FHIT: variants seen among roughly 807,000 people sequenced by gnomAD.
FHIT encodes bis(5'-adenosyl)-triphosphatase.
FHIT carries 19 observed loss-of-function variants against 17.9 expected under a neutral mutation model. The observed-to-expected ratio is 1.06, with a 90% confidence interval of 0.74 to 1.56. FHIT has a LOEUF of 1.56. Ranked by LOEUF, FHIT falls within the 40% of genes most tolerant of loss-of-function variation. The pLI is 0.00. For missense variants in FHIT, 248 were observed against 189.2 expected (o/e 1.31, Z -1.82); for synonymous variants, 81 against 69.7 (o/e 1.16, Z -0.81).
intron 8 of FHIT, among the ~76,000 whole-genome samples, chr3:59,775,632 A>G (rs1575474672): frequency 1.3e-5 from 2 of 152,210 alleles, no homozygotes; most frequent in East Asian, 3.8e-4. Context: ...TTTCTTAGAA[A>G]CTGGCCCTTA....
intron 7 of FHIT, among the ~76,000 whole-genome samples, chr3:59,986,308 A>G (rs549966182): frequency 7.7e-4 from 116 of 151,608 alleles, no homozygotes; most frequent in African/African-American, 2.8e-3. Flanking sequence ...CCCCTTTGGA[A>G]GGATAGTTAA....
intron 2 of FHIT, among the ~76,000 whole-genome samples, chr3:61,176,927 G>A (rs1289018902): frequency 6.6e-6 from 1 of 152,182 alleles, no homozygotes; most frequent in Non-Finnish European, 1.5e-5. Flanking sequence ...TGTAACCCCA[G>A]AACTTTGGGA....
intron 7 of FHIT, among the ~76,000 whole-genome samples, chr3:60,000,350 A>G (rs1453312986): frequency 1.3e-5 from 2 of 152,204 alleles, no homozygotes; most frequent in Non-Finnish European, 2.9e-5. Context: ...ATAAAGTTTT[A>G]TTGGAATACG....
intron 3 of FHIT, among the ~76,000 whole-genome samples, chr3:60,880,520 G>T (rs1704913845): frequency 6.6e-6 from 1 of 152,204 alleles, no homozygotes; most frequent in South Asian, 2.1e-4. Flanking sequence ...ATCACCTGAG[G>T]TTGGGAGTTC....
intron 5 of FHIT, among the ~76,000 whole-genome samples, chr3:60,252,489 G>C (rs1705763227): frequency 6.6e-6 from 1 of 152,078 alleles, no homozygotes; most frequent in African/African-American, 2.4e-5. Context: ...CTTGAGCATA[G>C]GGGGGTCAAG....
At chr3:60,095,397 G>A (rs540227237) in intron 5 of FHIT, among the ~76,000 whole-genome samples, 1 of 152,258 alleles carries the variant, frequency 6.6e-6, no homozygotes, top group African/African-American at 2.4e-5. Flanking sequence ...TTTTTCAATT[G>A]CTTCTCTCAT....
At chr3:60,214,595 A>G (rs1273821725) in intron 5 of FHIT, among the ~76,000 whole-genome samples, 1 of 152,174 alleles carries the variant, frequency 6.6e-6, no homozygotes, top group Non-Finnish European at 1.5e-5. Flanking sequence ...CACTGTGGAA[A>G]GCAGTGTGGA....
intron 4 of FHIT, among the ~76,000 whole-genome samples, chr3:60,631,646 T>G (rs560841114): frequency 2.2e-4 from 34 of 152,142 alleles, no homozygotes; most frequent in Non-Finnish European, 4.6e-4. Flanking sequence ...GGAGGCACTG[T>G]CTAATTCAGA....
chr3:60,206,784 T>C (rs941431638), intron 5 of FHIT, among the ~76,000 whole-genome samples: 2 of 150,918 alleles, frequency 1.3e-5, no homozygotes, highest in African/African-American at 4.8e-5. Flanking sequence ...GTGTGTGTAA[T>C]AATAAAAGAG....
At chr3:60,362,662 C>T (rs1017617442) in intron 5 of FHIT, among the ~76,000 whole-genome samples, 1 of 152,182 alleles carries the variant, frequency 6.6e-6, no homozygotes, top group African/African-American at 2.4e-5. Flanking sequence ...ATTTTTATCA[C>T]CTACGTGAAC....
intron 3 of FHIT, among the ~76,000 whole-genome samples, chr3:60,957,853 AG>A (rs1224373077): frequency 6.6e-6 from 1 of 152,342 alleles, no homozygotes; most frequent in East Asian, 1.9e-4. Flanking sequence ...TCTTCCACAT[AG>A]GTGAGCTTCT....
chr3:60,493,294 G>C (rs2034144571), intron 5 of FHIT, among the ~76,000 whole-genome samples: 1 of 152,124 alleles, frequency 6.6e-6, no homozygotes. Context: ...TAGATGGTAG[G>C]CATTTTCCAA....
chr3:59,927,461 C>T (rs1315800809), intron 7 of FHIT, among the ~76,000 whole-genome samples: 1 of 91,962 alleles, frequency 1.1e-5, no homozygotes, highest in African/African-American at 5.0e-5. Flanking sequence ...AAAGCTATTA[C>T]TTAAAAAAAA....
chr3:60,704,632 AC>A (rs1481095098), intron 4 of FHIT, among the ~76,000 whole-genome samples: 5 of 152,148 alleles, frequency 3.3e-5, no homozygotes, highest in African/African-American at 1.2e-4. Context: ...TGAAAAATGA[AC>A]CTTTTTTTGC....
chr3:60,980,340 T>C (rs1710440906), intron 3 of FHIT, among the ~76,000 whole-genome samples: 1 of 152,168 alleles, frequency 6.6e-6, no homozygotes, highest in Non-Finnish European at 1.5e-5. Flanking sequence ...ATGTAAAGAA[T>C]GAAGCAACAA....
At chr3:60,307,808 G>T (rs1708750313) in intron 5 of FHIT, among the ~76,000 whole-genome samples, 2 of 151,910 alleles carry the variant, frequency 1.3e-5, no homozygotes, top group African/African-American at 4.8e-5. Context: ...TGCTGTCTGT[G>T]CCCAGACCCT....
At chr3:59,810,208 G>T (rs935912923) in intron 8 of FHIT, among the ~76,000 whole-genome samples, 6 of 152,074 alleles carry the variant, frequency 3.9e-5, no homozygotes, top group African/African-American at 1.2e-4. Context: ...AGTACTGGAG[G>T]AGCTGTCTTA....
chr3:61,003,059 T>C (rs2031204019), intron 3 of FHIT, among the ~76,000 whole-genome samples: 1 of 152,218 alleles, frequency 6.6e-6, no homozygotes, highest in South Asian at 2.1e-4. Flanking sequence ...ACACAGACTA[T>C]TCTGATTACT....
intron 5 of FHIT, among the ~76,000 whole-genome samples, chr3:60,096,870 T>C (rs2107121327): frequency 6.6e-6 from 1 of 151,810 alleles, no homozygotes; most frequent in East Asian, 2.0e-4. Context: ...CAAGAGGGAA[T>C]GACTTTAGGG....
Sources: allele counts gnomAD v4.1 joint callset (sites outside exome capture counted in the v4.1 genomes callset), GRCh38; gene constraint gnomAD v4.1.1; transcripts MANE v1.5; gene names NCBI Gene and HGNC (gene_info 2026-07-23, HGNC 2026-07-21).